ONECUT2: variants seen among roughly 807,000 people sequenced by gnomAD.
ONECUT2 encodes the protein one cut homeobox 2, also known as one cut domain family member 2.
In ONECUT2, 10 loss-of-function variants were observed where a neutral mutation model predicts 27.9. The observed-to-expected ratio is 0.36, with a 90% CI of 0.22 to 0.61. ONECUT2 has a LOEUF of 0.61. Among genes scored for constraint, ONECUT2 ranks in the 20% least tolerant of loss-of-function variants. ONECUT2 has a pLI of 0.73. For synonymous variants in ONECUT2, 334 were observed against 315.1 expected (o/e 1.06, Z -0.64); for missense variants, 686 against 721.0 (o/e 0.95, Z 0.56).
chr18:57,443,542 T>C (rs528001506), intron 1 of ONECUT2, among the ~76,000 whole-genome samples: 2 of 152,336 alleles, frequency 1.3e-5, no homozygotes, highest in Admixed American at 1.3e-4. Flanking sequence ...TCACCCAGGC[T>C]TTTTCCCTAA....
intron 1 of ONECUT2, chr18:57,467,027 G>A (rs2050324909): frequency 2.7e-6 from 1 of 376,146 alleles, no homozygotes; most frequent in Non-Finnish European, 5.3e-6. Context: ...GGGGCACTCT[G>A]GGCCTTTTTC....
In ONECUT2 at chr18:57,489,689, G is replaced by A. The variant is rs1198581982; in HGVS notation, c.*12966G>A. On this transcript the variant is annotated 3_prime_UTR_variant, in exon 2 of 2. Coordinates refer to ENST00000491143, the MANE Select transcript of ONECUT2 (RefSeq NM_004852.3). ...AGTCCGAAGACTAGCAATCGGATAG[G>A]TAGTCATACCATTAACAGATACTTC... 2 of 151,656 alleles carry A rather than the reference G, an allele frequency of 1.3e-5. No homozygotes were observed. Among genetic ancestry groups the A allele is most frequent in the African/African-American group, 4.9e-5 (2 of 41,176 alleles). 9.4% of individuals were successfully genotyped at this position (151,656 alleles called of 1,614,324 possible). A position where few individuals can be genotyped will look rare whatever the true frequency, so the allele number is the denominator to read the frequency against.
chr18:57,475,056 A>AT (rs33961491), intron 1 of ONECUT2, among the ~76,000 whole-genome samples: 34,536 of 124,974 alleles, frequency 0.28, 5,709 homozygotes, highest in East Asian at 0.44. Flanking sequence ...ATTTCAAGTG[A>AT]TTTTTTTTTT....
intron 1 of ONECUT2, among the ~76,000 whole-genome samples, chr18:57,451,243 A>G (rs1487451363): frequency 6.6e-6 from 1 of 152,254 alleles, no homozygotes; most frequent in Non-Finnish European, 1.5e-5. Flanking sequence ...GTTAAATGAA[A>G]GCATTCCAGA....
In ONECUT2 at chr18:57,435,676, GC is replaced by G. The variant is rs770969970; in HGVS notation, c.-36del. The G allele has an allele frequency of 7.6e-6, 5 of 659,568 alleles. No homozygotes were observed. The highest frequency in any genetic ancestry group is 7.8e-6 in the Non-Finnish European group (4 of 515,092). 40.9% of individuals were successfully genotyped at this position (659,568 alleles called of 1,614,324 possible). On this transcript the variant is annotated 5_prime_UTR_variant, in exon 1 of 2. Coordinates refer to ENST00000491143, the MANE Select transcript of ONECUT2 (RefSeq NM_004852.3). The stretch of plus-strand genomic sequence containing the variant: ...CGCGCGCCTTGCCCGCCCGCCGGCC[GC>G]CCCCGCCGCCCCCGCCGCCCCCGGG...
intron 1 of ONECUT2, among the ~76,000 whole-genome samples, chr18:57,466,780 G>T (rs2050323564): frequency 6.6e-6 from 1 of 152,254 alleles, no homozygotes; most frequent in Non-Finnish European, 1.5e-5. Context: ...GTTAGACCAA[G>T]TGCTCTCTAA....
chr18:57,451,915 G>A (rs567501235), intron 1 of ONECUT2, among the ~76,000 whole-genome samples: 1 of 152,296 alleles, frequency 6.6e-6, no homozygotes, highest in South Asian at 2.1e-4. Context: ...AGGAAGCATG[G>A]GCACAGAAAA....
chr18:57,449,812 C>T (rs182679313), intron 1 of ONECUT2, among the ~76,000 whole-genome samples: 45 of 152,352 alleles, frequency 3.0e-4, no homozygotes, highest in African/African-American at 1.0e-3. Context: ...TCCGATCTGC[C>T]TCTGAAATCT....
intron 1 of ONECUT2, among the ~76,000 whole-genome samples, chr18:57,446,431 A>T (rs2050200725): frequency 6.6e-6 from 1 of 152,208 alleles, no homozygotes; most frequent in Admixed American, 6.5e-5. Context: ...AGGGGAAGAC[A>T]GACCTCCAAA....
intron 1 of ONECUT2, among the ~76,000 whole-genome samples, chr18:57,471,446 TG>T (rs2050353143): frequency 1.3e-5 from 2 of 152,310 alleles, no homozygotes; most frequent in East Asian, 3.9e-4. Context: ...AGCACATTCT[TG>T]GAAAGGCACT....
rs558917138 is a variant in ONECUT2 at position 57,462,569 on chromosome 18, T to G, written c.1229-13868T>G. Among the ~76,000 whole-genome samples, 12 of 151,806 alleles carry G rather than the reference T, an allele frequency of 7.9e-5. No individual in the cohort carries two copies. The East Asian group carries it at 2.3e-3, about 30-fold the overall frequency. ...ACGCTGGCTAACTTCTTAAAATTGTTTTTTGTAGAGACAGGGTCTCACTTT... is the reference window on the plus strand; with the variant it reads ...ACGCTGGCTAACTTCTTAAAATTGTGTTTTGTAGAGACAGGGTCTCACTTT... On this transcript the variant is annotated intron_variant, in intron 1 of 1. Coordinates refer to ENST00000491143, the MANE Select transcript of ONECUT2 (RefSeq NM_004852.3).
In ONECUT2 at chr18:57,436,296, A is replaced by G. The variant is rs1473971727; in HGVS notation, c.580A>G (p.Ser194Gly). Residue 194 changes from serine to glycine, a missense_variant, in exon 1 of 2, where the codon AGC (serine) becomes GGC (glycine). Around this residue, in one of 4 missense-constraint regions of ONECUT2, gnomAD observed 511 missense variants for 488.1 expected, o/e 1.05. Coordinates refer to ENST00000491143, the MANE Select transcript of ONECUT2 (RefSeq NM_004852.3). The surrounding 1 kb of genome is among the most constrained non-coding windows in gnomAD (Gnocchi z 5.9). ...GCGCCTGTCCGGCAACGTCAGCGGC[A>G]GCTTCACCCTCATGCGCGACGAGCG... ...HQRLSGNVSG[S>G]FTLMRDERGL... The G allele has an allele frequency of 6.2e-7, 1 of 1,604,160 alleles. No individual in the cohort carries two copies. Among genetic ancestry groups the G allele is most frequent in the Non-Finnish European group, 8.5e-7 (1 of 1,179,614 alleles).
chr18:57,442,956 A>G (rs895537332), intron 1 of ONECUT2, among the ~76,000 whole-genome samples: 4 of 151,984 alleles, frequency 2.6e-5, no homozygotes, highest in Admixed American at 2.0e-4. Context: ...TCTTCAAACC[A>G]AGGCTTCATT....
intron 1 of ONECUT2, among the ~76,000 whole-genome samples, chr18:57,444,835 G>A (rs1376125807): frequency 6.6e-6 from 1 of 152,018 alleles, no homozygotes; most frequent in Non-Finnish European, 1.5e-5. Flanking sequence ...AGGATAGCTG[G>A]GCATTAAGCC....
At chr18:57,466,082 C>A (rs2050319651) in intron 1 of ONECUT2, among the ~76,000 whole-genome samples, 1 of 152,190 alleles carries the variant, frequency 6.6e-6, no homozygotes, top group Non-Finnish European at 1.5e-5. Context: ...CTCCTCCACC[C>A]TGCAGTTTTG....
chr18:57,447,022 C>G (rs1043778524), intron 1 of ONECUT2, among the ~76,000 whole-genome samples: 15 of 152,094 alleles, frequency 9.9e-5, no homozygotes, highest in African/African-American at 3.6e-4. Context: ...GGGAGGACAT[C>G]GAGAAAGAGA....
rs139080265 is a variant in ONECUT2 at position 57,445,848 on chromosome 18, A to G, written c.1228+8904A>G. Reference sequence around the variant, plus strand: ...AGCAAAGCACAGTAACTGCAGCAATACCCTGGAGTCCCCCTCGGGGAAGAA... The same window carrying G: ...AGCAAAGCACAGTAACTGCAGCAATGCCCTGGAGTCCCCCTCGGGGAAGAA... On this transcript the variant is annotated intron_variant, in intron 1 of 1. Coordinates refer to ENST00000491143, the MANE Select transcript of ONECUT2 (RefSeq NM_004852.3). Among the ~76,000 whole-genome samples the G allele has an allele frequency of 3.0e-3, 454 of 152,320 alleles. 4 individuals carry two copies. The highest frequency in any genetic ancestry group is 0.01 in the African/African-American group (429 of 41,562).
At chr18:57,455,986 C>T (rs537863605) in intron 1 of ONECUT2, among the ~76,000 whole-genome samples, 55 of 152,324 alleles carry the variant, frequency 3.6e-4, no homozygotes, top group African/African-American at 1.3e-3. Flanking sequence ...AAACCCGGTT[C>T]CCTCTCAGAG....
intron 1 of ONECUT2, among the ~76,000 whole-genome samples, chr18:57,462,874 GGCATCTGC>G (rs2050300718): frequency 1.3e-5 from 2 of 151,768 alleles, no homozygotes; most frequent in Non-Finnish European, 2.9e-5. Flanking sequence ...TGGGACAACA[GGCATCTGC>G]CACCACGCCT....
Sources: gnomAD v4.1 joint callset for allele counts (sites outside exome capture counted in the v4.1 genomes callset) on GRCh38, gnomAD v4.1.1 for gene constraint, gnomAD v4.1.1 regional missense constraint, Gnocchi (gnomAD v3.1) non-coding constraint, MANE v1.5 for transcripts, NCBI Gene and HGNC (gene_info 2026-07-23, HGNC 2026-07-21) for gene names.